Variants in RBFOX1 observed in about 807,000 individuals in gnomAD.
The protein encoded by RBFOX1 is RNA binding fox-1 homolog 1, also known as RNA binding protein fox-1 homolog 1.
In RBFOX1, 8 loss-of-function variants were observed where a neutral mutation model predicts 57.7. That is an observed-to-expected ratio of 0.14 (90% CI 0.08 to 0.25). The LOEUF (loss-of-function observed/expected upper bound fraction) is 0.25, where lower values mean the gene tolerates loss of function less well. Among genes scored for constraint, RBFOX1 ranks in the 10% least tolerant of loss-of-function variants. The pLI is 1.00. For synonymous variants in RBFOX1, 326 were observed against 222.4 expected (o/e 1.47, Z -4.15); for missense variants, 611 against 548.5 (o/e 1.11, Z -1.14).
intron 4 of RBFOX1, among the ~76,000 whole-genome samples, chr16:7,307,320 C>G (rs1260956029): frequency 6.6e-6 from 1 of 152,182 alleles, no homozygotes; most frequent in Non-Finnish European, 1.5e-5. Flanking sequence ...GCATGAACAT[C>G]CAACCTTTCC....
chr16:6,709,481 A>T (rs932115380), intron 3 of RBFOX1, among the ~76,000 whole-genome samples: 2 of 152,212 alleles, frequency 1.3e-5, no homozygotes, highest in African/African-American at 2.4e-5. Flanking sequence ...ACAGCTCTTA[A>T]AAAGAGGGGT....
At chr16:6,978,558 A>G (rs966373359) in intron 3 of RBFOX1, among the ~76,000 whole-genome samples, 1 of 151,134 alleles carries the variant, frequency 6.6e-6, no homozygotes, top group African/African-American at 2.4e-5. Flanking sequence ...CTACAGTCAT[A>G]GAGCCCCTTT....
intron 2 of RBFOX1, among the ~76,000 whole-genome samples, chr16:6,523,952 A>G (rs1027701938): frequency 1.3e-5 from 2 of 152,226 alleles, no homozygotes; most frequent in African/African-American, 2.4e-5. Flanking sequence ...TAATACACAC[A>G]TCATGGAGAA....
chr16:6,521,361 C>T (rs1050247527), intron 2 of RBFOX1, among the ~76,000 whole-genome samples: 2 of 152,024 alleles, frequency 1.3e-5, no homozygotes, highest in African/African-American at 4.8e-5. Context: ...TTCTCCTCCT[C>T]ATTTAATTTT....
At chr16:6,815,620 G>A (rs572296873) in intron 3 of RBFOX1, among the ~76,000 whole-genome samples, 2 of 152,284 alleles carry the variant, frequency 1.3e-5, no homozygotes, top group South Asian at 4.1e-4. Flanking sequence ...TAAACTTGAA[G>A]CAAATGAGTG....
intron 4 of RBFOX1, among the ~76,000 whole-genome samples, chr16:7,363,916 G>C (rs1407587024): frequency 6.6e-6 from 1 of 152,134 alleles, no homozygotes; most frequent in Non-Finnish European, 1.5e-5. Flanking sequence ...CACTTCAGCA[G>C]AAGTGGGAAG....
chr16:5,460,493 G>A (rs2151592968), intron 1 of RBFOX1, among the ~76,000 whole-genome samples: 1 of 152,284 alleles, frequency 6.6e-6, no homozygotes, highest in East Asian at 1.9e-4. Context: ...TTTTGTTGGG[G>A]TCCTGCAGAG....
chr16:5,322,698 A>C (rs4786671), intron 1 of RBFOX1, among the ~76,000 whole-genome samples: 1 of 152,166 alleles, frequency 6.6e-6, no homozygotes, highest in African/African-American at 2.4e-5. Context: ...CTCCCCCAGT[A>C]ATCTCCTTAT....
Position 6,507,642 on chromosome 16 carries a change from G to A in RBFOX1, c.-63-146961G>A, listed in dbSNP as rs533629553. Among the ~76,000 whole-genome samples the A allele has an allele frequency of 5.4e-4, 82 of 152,174 alleles. 1 individual carries two copies. The highest frequency in any genetic ancestry group is 1.9e-3 in the African/African-American group (80 of 41,520). On this transcript the variant is annotated intron_variant, in intron 2 of 15. Coordinates refer to ENST00000550418, the MANE Select transcript of RBFOX1 (RefSeq NM_018723.4). ...GCTGTGATTGCACCACTGCACTCCA[G>A]CCTGGACAGAAATCCTGTTATATGT...
chr16:6,093,960 G>A (rs1050085117), intron 1 of RBFOX1, among the ~76,000 whole-genome samples: 9 of 152,074 alleles, frequency 5.9e-5, no homozygotes, highest in Non-Finnish European at 1.3e-4. Flanking sequence ...TCTTCTGCCC[G>A]CCCCTGCTGG....
At position 5,394,348 on chromosome 16, in the gene RBFOX1, G is replaced by T. The variant is rs141213100; in HGVS notation, c.220-72868G>T. Among the ~76,000 whole-genome samples, 7 of 152,146 alleles carry T rather than the reference G, an allele frequency of 4.6e-5. No homozygotes were observed. In the East Asian group the frequency reaches 1.4e-3, roughly 29 times the overall value. On this transcript the variant is annotated intron_variant, in intron 1 of 2. Coordinates refer to the RBFOX1 transcript ENST00000585867. ...GCCATTTCTTTTAACAATGTTTACT[G>T]GAAAATTTTAGGACAGCTCACATTG...
intron 1 of RBFOX1, among the ~76,000 whole-genome samples, chr16:6,298,657 C>T (rs751290546): frequency 2.6e-4 from 39 of 152,222 alleles, no homozygotes; most frequent in Non-Finnish European, 4.7e-4. Flanking sequence ...TTGGCAACAG[C>T]GCTCATTAAA....
intron 1 of RBFOX1, among the ~76,000 whole-genome samples, chr16:6,169,213 G>A (rs1214776715): frequency 1.3e-5 from 2 of 152,162 alleles, no homozygotes; most frequent in Non-Finnish European, 2.9e-5. Flanking sequence ...TGACTTGGTA[G>A]ATGGAACTTG....
At chr16:7,638,224 C>T (rs1382381708) in intron 11 of RBFOX1, among the ~76,000 whole-genome samples, 1 of 152,160 alleles carries the variant, frequency 6.6e-6, no homozygotes, top group African/African-American at 2.4e-5. Context: ...CACTATATGT[C>T]AGGCATTGTG....
intron 10 of RBFOX1, among the ~76,000 whole-genome samples, chr16:7,629,679 G>A (rs1332120299): frequency 6.6e-6 from 1 of 152,184 alleles, no homozygotes; most frequent in Non-Finnish European, 1.5e-5. Flanking sequence ...CCCTGGAGTG[G>A]GTGGTTGTTC....
chr16:5,317,096 C>T (rs778343352), intron 1 of RBFOX1, among the ~76,000 whole-genome samples: 13 of 152,202 alleles, frequency 8.5e-5, no homozygotes, highest in Non-Finnish European at 4.4e-5. Context: ...GACTGAGCCA[C>T]ACTACCATCT....
At chr16:6,664,353 C>T (rs1229291568) in intron 3 of RBFOX1, among the ~76,000 whole-genome samples, 2 of 152,174 alleles carry the variant, frequency 1.3e-5, no homozygotes, top group African/African-American at 2.4e-5. Flanking sequence ...AGCCACTAGC[C>T]AGCCTGTTGT....
intron 3 of RBFOX1, among the ~76,000 whole-genome samples, chr16:6,684,410 T>A (rs79503980): frequency 1.7e-3 from 263 of 152,310 alleles, no homozygotes; most frequent in African/African-American, 5.8e-3. Context: ...TTTCCCCCAG[T>A]TTAAGTATCA....
At chr16:5,827,402 GGAAAA>G (rs1366723846) in intron 3 of RBFOX1, among the ~76,000 whole-genome samples, 5 of 100,476 alleles carry the variant, frequency 5.0e-5, no homozygotes, top group Non-Finnish European at 2.0e-5. Context: ...TCCATCTCAG[GGAAAA>G]AAAAAAAAAA....
Sources: gnomAD v4.1 joint callset for allele counts (sites outside exome capture counted in the v4.1 genomes callset) on GRCh38, gnomAD v4.1.1 for gene constraint, MANE v1.5 for transcripts, NCBI Gene and HGNC (gene_info 2026-07-23, HGNC 2026-07-21) for gene names.